Variants in NEK11 observed in about 807,000 individuals in gnomAD.
NEK11 encodes NIMA related kinase 11, also known as serine/threonine-protein kinase Nek11.
A neutral mutation model predicts 80.7 loss-of-function variants in NEK11; 72 were observed. The ratio of observed to expected loss-of-function variants is 0.89; its 90% confidence interval spans 0.74 to 1.08. The LOEUF (loss-of-function observed/expected upper bound fraction) is 1.08, where lower values mean the gene tolerates loss of function less well. NEK11 is among the 50% of genes least tolerant of loss of function. NEK11 has a pLI of 0.00. For missense variants in NEK11, 764 were observed against 763.6 expected, an observed-to-expected ratio of 1.00 and a Z score of -0.01; for synonymous variants, 251 against 260.7, an observed-to-expected ratio of 0.96 and a Z score of 0.36.
intron 5 of NEK11, among the ~76,000 whole-genome samples, chr3:131,121,322 G>A (rs1164916066): frequency 1.3e-5 from 2 of 152,210 alleles, no homozygotes; most frequent in East Asian, 1.9e-4. Flanking sequence ...AATGGCAAAT[G>A]TTGCTGCCTG....
chr3:131,253,067 C>T (rs2095738365), intron 16 of NEK11, among the ~76,000 whole-genome samples: 1 of 152,028 alleles, frequency 6.6e-6, no homozygotes, highest in Non-Finnish European at 1.5e-5. Context: ...TGTATTTCTG[C>T]CTGATCCTCA....
chr3:131,314,332 G>C (rs1040760551), intron 17 of NEK11, among the ~76,000 whole-genome samples: 3 of 152,178 alleles, frequency 2.0e-5, no homozygotes, highest in Non-Finnish European at 4.4e-5. Flanking sequence ...GGACCAGGTT[G>C]TTCCACCTGT....
intron 3 of NEK11, among the ~76,000 whole-genome samples, chr3:131,038,072 T>TA (rs11369199): frequency 0.18 from 27,044 of 150,084 alleles, 2,469 homozygotes; most frequent in Non-Finnish European, 0.2. Context: ...TTCTCACAGT[T>TA]AAAAAAAAAA....
At chr3:131,272,520 G>C (rs2096216280) in intron 16 of NEK11, among the ~76,000 whole-genome samples, 1 of 115,250 alleles carries the variant, frequency 8.7e-6, no homozygotes, top group African/African-American at 3.2e-5. Flanking sequence ...CTTTCACCCA[G>C]GCTGGAGTGC....
At chr3:131,233,970 G>A (rs531739871) in intron 15 of NEK11, among the ~76,000 whole-genome samples, 2 of 152,224 alleles carry the variant, frequency 1.3e-5, no homozygotes, top group Non-Finnish European at 2.9e-5. Flanking sequence ...GAACTGGACT[G>A]TATGAATTTA....
chr3:131,055,253 G>A (rs1411890145), intron 3 of NEK11, among the ~76,000 whole-genome samples: 1 of 152,312 alleles, frequency 6.6e-6, no homozygotes, highest in East Asian at 1.9e-4. Context: ...TATAAGTAAT[G>A]TACAATGTGA....
At chr3:131,333,215 G>A (rs1382197400) in intron 17 of NEK11, among the ~76,000 whole-genome samples, 5 of 152,152 alleles carry the variant, frequency 3.3e-5, no homozygotes, top group Non-Finnish European at 5.9e-5. Flanking sequence ...GGCAGCCAGA[G>A]AGAAAGGTCG....
In NEK11 at chr3:131,243,492, T is replaced by G. The variant is rs754469331; in HGVS notation, c.1617T>G (p.Ser539=). Reference sequence around the variant, plus strand: ...TGGAAAATGTCCTGGGTTGCACTTCTCTAGGTGAGTAAGTTCCTTTAGGCT... The same window carrying G: ...TGGAAAATGTCCTGGGTTGCACTTCGCTAGGTGAGTAAGTTCCTTTAGGCT... The part of the protein sequence containing the change: ...RCLENVLGCT[S]LDTKTITTMA... Residue 539 remains serine, a synonymous_variant, in exon 16 of 18, where the codon TCT becomes TCG. Transcript: ENST00000383366. 10 of 1,611,962 alleles carry G rather than the reference T, an allele frequency of 6.2e-6. No homozygotes were observed. Among genetic ancestry groups the G allele is most frequent in the Non-Finnish European group, 8.5e-6 (10 of 1,178,416 alleles).
chr3:131,282,884 G>T (rs1052134840), intron 17 of NEK11, among the ~76,000 whole-genome samples: 1 of 152,092 alleles, frequency 6.6e-6, no homozygotes, highest in Non-Finnish European at 1.5e-5. Context: ...GTTTATAATC[G>T]TACCAGCTCA....
chr3:131,209,098 G>C (rs1186526158), intron 14 of NEK11, among the ~76,000 whole-genome samples: 1 of 152,054 alleles, frequency 6.6e-6, no homozygotes, highest in Non-Finnish European at 1.5e-5. Context: ...ATTGGCTGTG[G>C]GTTTGTCATA....
intron 14 of NEK11, among the ~76,000 whole-genome samples, chr3:131,209,661 G>A (rs547334102): frequency 1.3e-5 from 2 of 152,076 alleles, no homozygotes; most frequent in South Asian, 2.1e-4. Context: ...TCAATTTCAG[G>A]GTCTGTTATT....
intron 7 of NEK11, among the ~76,000 whole-genome samples, chr3:131,136,990 CT>C (rs1347827305): frequency 3.9e-5 from 6 of 152,286 alleles, no homozygotes; most frequent in African/African-American, 1.4e-4. Flanking sequence ...GTCTTATTTA[CT>C]TTGTTGTGAG....
intron 17 of NEK11, among the ~76,000 whole-genome samples, chr3:131,284,686 CAGA>C (rs1299497446): frequency 6.6e-6 from 1 of 152,270 alleles, no homozygotes; most frequent in Non-Finnish European, 1.5e-5. Context: ...TAAAAGCAGG[CAGA>C]AGAACGTGGA....
chr3:131,228,110 T>C (rs2095249972), intron 14 of NEK11, among the ~76,000 whole-genome samples: 1 of 152,160 alleles, frequency 6.6e-6, no homozygotes, highest in Non-Finnish European at 1.5e-5. Flanking sequence ...AAAAATGCTG[T>C]GGTAGTTTTG....
At chr3:131,117,835 T>A (rs921199620) in intron 5 of NEK11, among the ~76,000 whole-genome samples, 5 of 152,154 alleles carry the variant, frequency 3.3e-5, no homozygotes, top group Non-Finnish European at 7.4e-5. Flanking sequence ...TATCCTGAGA[T>A]TTTGCTGAAG....
At chr3:131,122,699 T>C (rs570273103) in intron 5 of NEK11, among the ~76,000 whole-genome samples, 2 of 152,276 alleles carry the variant, frequency 1.3e-5, no homozygotes, top group Admixed American at 6.5e-5. Context: ...TATTAGGGCT[T>C]GAGGGGAGGT....
chr3:131,253,235 G>C (rs1362290013), intron 16 of NEK11, among the ~76,000 whole-genome samples: 1 of 152,096 alleles, frequency 6.6e-6, no homozygotes, highest in Non-Finnish European at 1.5e-5. Flanking sequence ...TACCTACTAG[G>C]TGCTTTTCTC....
At chr3:131,307,916 A>G (rs2096738602) in intron 17 of NEK11, among the ~76,000 whole-genome samples, 2 of 152,262 alleles carry the variant, frequency 1.3e-5, no homozygotes, top group South Asian at 4.1e-4. Flanking sequence ...TAAAATTTCA[A>G]GTACCTAGAG....
intron 3 of NEK11, among the ~76,000 whole-genome samples, chr3:131,078,508 G>A (rs192728107): frequency 4.2e-4 from 64 of 151,954 alleles, no homozygotes; most frequent in Middle Eastern, 6.8e-3. Flanking sequence ...ATGGGATGGG[G>A]GAATACTATA....
Sources: allele counts gnomAD v4.1 joint callset (sites outside exome capture counted in the v4.1 genomes callset), GRCh38; gene constraint gnomAD v4.1.1; transcripts MANE v1.5; gene names NCBI Gene and HGNC (gene_info 2026-07-23, HGNC 2026-07-21).